Variants in ADCY10 observed in about 807,000 individuals in gnomAD.
ADCY10 encodes the protein adenylate cyclase type 10.
ADCY10 carries 156 observed loss-of-function variants against 183.3 expected under a neutral mutation model. That is an observed-to-expected ratio of 0.85 (90% CI 0.75 to 0.97). ADCY10 has a LOEUF of 0.97. Among genes scored for constraint, ADCY10 ranks in the 50% least tolerant of loss-of-function variants. ADCY10 has a pLI of 0.00. For missense variants in ADCY10, 1,745 were observed against 1,934.3 expected (o/e 0.90, Z 1.84); for synonymous variants, 645 against 670.0 (o/e 0.96, Z 0.58).
intron 1 of ADCY10, among the ~76,000 whole-genome samples, chr1:167,913,749 T>C (rs138105559): frequency 0.012 from 1,784 of 151,892 alleles, 28 homozygotes; most frequent in African/African-American, 0.04. Flanking sequence ...ATAAAGAAAG[T>C]AAGCTAGAAA....
chr1:167,843,452 C>G (rs1664797141), intron 21 of ADCY10, among the ~76,000 whole-genome samples: 1 of 151,994 alleles, frequency 6.6e-6, no homozygotes, highest in African/African-American at 2.4e-5. Context: ...TCATCTCCTA[C>G]TGATACTTTC....
At chr1:167,867,942 G>A (rs983064243) in intron 14 of ADCY10, among the ~76,000 whole-genome samples, 2 of 152,154 alleles carry the variant, frequency 1.3e-5, no homozygotes, top group Non-Finnish European at 2.9e-5. Context: ...CCTCCTGTAC[G>A]AGTGGAAGCT....
At chr1:167,866,129 T>C (rs1437510701) in intron 14 of ADCY10, among the ~76,000 whole-genome samples, 1 of 152,222 alleles carries the variant, frequency 6.6e-6, no homozygotes, top group Non-Finnish European at 1.5e-5. Context: ...GTGGTGGTAT[T>C]GTGGTGGACC....
chr1:167,864,367 T>G (rs1666518356), intron 14 of ADCY10, among the ~76,000 whole-genome samples: 1 of 152,140 alleles, frequency 6.6e-6, no homozygotes. Flanking sequence ...GAACTTTGTG[T>G]AAAATAGACT....
At chr1:167,898,399 G>C (rs1388037060) in intron 6 of ADCY10, among the ~76,000 whole-genome samples, 1 of 151,944 alleles carries the variant, frequency 6.6e-6, no homozygotes, top group Admixed American at 6.6e-5. Context: ...AGGAGTTCAA[G>C]ACCAGCCTGG....
chr1:167,859,266 G>A (rs1264340861), intron 16 of ADCY10, among the ~76,000 whole-genome samples: 2 of 152,308 alleles, frequency 1.3e-5, no homozygotes, highest in African/African-American at 2.4e-5. Flanking sequence ...GCAGACAGTC[G>A]TGATATTACT....
rs549792371 is a variant in ADCY10, at chr1:167,884,760, C to T, written c.829-1132G>A. Among the ~76,000 whole-genome samples, 17 of 148,530 alleles carry T rather than the reference C, an allele frequency of 1.1e-4. No individual in the cohort carries two copies. The East Asian group carries it at 1.4e-3, about 12-fold the overall frequency. On this transcript the variant is annotated intron_variant, in intron 8 of 32. Coordinates refer to ENST00000367851, the MANE Select transcript of ADCY10 (RefSeq NM_018417.6). ...TTGCTCAGGCTGGAGTGCAGTGGCG[C>T]GATCTCGGCTCACTGCAACCTCTGC...
chr1:167,843,038 C>T (rs1364445641), intron 21 of ADCY10, among the ~76,000 whole-genome samples: 2 of 152,130 alleles, frequency 1.3e-5, no homozygotes, highest in Non-Finnish European at 2.9e-5. Context: ...GCCTTCTGAA[C>T]AGGTGAAAAA....
At chr1:167,897,645 AC>A (rs374590149) in intron 6 of ADCY10, among the ~76,000 whole-genome samples, 3,012 of 3,012 alleles carry the variant, frequency 1, 1,506 homozygotes, top group Non-Finnish European at 1. Flanking sequence ...TGTCACGGTC[AC>A]TGCAAGACAA....
chr1:167,912,354 T>C (rs761678460), intron 1 of ADCY10, among the ~76,000 whole-genome samples: 1 of 152,200 alleles, frequency 6.6e-6, no homozygotes, highest in Non-Finnish European at 1.5e-5. Context: ...CCACCCAACA[T>C]GGCGATTCCG....
At chr1:167,809,943 A>C (rs1178031663) in intron 32 of ADCY10, 104 bp from the exon 33 acceptor site, 3 of 1,206,420 alleles carry the variant, frequency 2.5e-6, no homozygotes, top group Non-Finnish European at 3.6e-6. Flanking sequence ...GGTAAAAACC[A>C]TGTGAACCCA....
intron 25 of ADCY10, among the ~76,000 whole-genome samples, chr1:167,832,015 T>C (rs1019491453): frequency 6.6e-6 from 1 of 152,138 alleles, no homozygotes; most frequent in Non-Finnish European, 1.5e-5. Flanking sequence ...CTCCATTACA[T>C]TTCCTTTTCA....
rs756869326 is a variant in ADCY10, at chr1:167,809,804, GTCT to G, written c.4704_4706del (p.Glu1568del). The G allele has an allele frequency of 1.1e-5, 17 of 1,614,076 alleles. No homozygotes were observed. The highest frequency in any genetic ancestry group is 1.2e-5 in the Non-Finnish European group (14 of 1,179,984). ...GACTCAAGATCGTCTGAAGCCATTG[GTCT>G]TCTTTTAACTCAGAGGTTGAGTACC... On this transcript the variant is annotated inframe_deletion, in exon 33 of 33. Transcript: ENST00000367851.
chr1:167,880,062 G>T lies in ADCY10; in HGVS notation c.1216+53C>A, dbSNP rs980094847. On this transcript the variant is annotated intron_variant, in intron 11 of 32. Coordinates refer to ENST00000367851, the MANE Select transcript of ADCY10 (RefSeq NM_018417.6). ...GTGCTTCCTCCCGCAAAGCCCAGTGGCAAGGTGCTGTGTTTGCAGAAAGAA... is the reference window on the plus strand; with the variant it reads ...GTGCTTCCTCCCGCAAAGCCCAGTGTCAAGGTGCTGTGTTTGCAGAAAGAA... 5.4e-6 allele frequency: 8 copies of T among 1,492,950 alleles called. No homozygotes were observed. The African/African-American group carries it at 8.3e-5, about 15-fold the overall frequency. The allele number at this position is 1,492,950 out of a possible 1,614,324, so 92.5% of individuals were successfully genotyped here.
intron 1 of ADCY10, among the ~76,000 whole-genome samples, chr1:167,911,718 C>T (rs1670161856): frequency 6.6e-6 from 1 of 152,220 alleles, no homozygotes; most frequent in Non-Finnish European, 1.5e-5. Flanking sequence ...AATGCCCTTA[C>T]TAAATAAATT....
intron 11 of ADCY10, among the ~76,000 whole-genome samples, chr1:167,879,646 T>C (rs1454925653): frequency 1.3e-5 from 2 of 152,172 alleles, no homozygotes; most frequent in Non-Finnish European, 2.9e-5. Context: ...GTATTTTAGA[T>C]GCATTATTGC....
chr1:167,882,388 G>A (rs1261524399), intron 9 of ADCY10, among the ~76,000 whole-genome samples: 1 of 149,578 alleles, frequency 6.7e-6, no homozygotes, highest in African/African-American at 2.5e-5. Flanking sequence ...AGGAGGCTGA[G>A]TCAAGAGAAT....
At chr1:167,847,801 T>A (rs1306522622) in intron 19 of ADCY10, among the ~76,000 whole-genome samples, 3 of 152,234 alleles carry the variant, frequency 2.0e-5, no homozygotes, top group African/African-American at 7.2e-5. Flanking sequence ...CAGTATTAGA[T>A]TTTCTCCCTC....
rs1478615064 is a variant in ADCY10, at chr1:167,861,042, A to T, written c.1638T>A (p.Asn546Lys). The T allele has an allele frequency of 6.2e-7, 1 of 1,613,992 alleles. No homozygotes were observed. Among genetic ancestry groups the T allele is most frequent in the Non-Finnish European group, 8.5e-7 (1 of 1,179,966 alleles). ...AGAAAGTTTGATGGAAGCTGATCTT[A>T]TTCAATGAAATGGCAATAATCCTGT... is the stretch of plus-strand genomic sequence containing the variant. ...KNHRIIAISL[N>K]KISFHQTFYT... The change falls in exon 15 of 33, where the codon AAT (asparagine) becomes AAA (lysine). Residue 546 changes from asparagine to lysine, a missense_variant. Physicochemically the swap from Asn to Lys is moderately conservative, Grantham distance 94 (BLOSUM62 0). Coordinates refer to ENST00000367851, the MANE Select transcript of ADCY10 (RefSeq NM_018417.6).
Sources: allele counts gnomAD v4.1 joint callset (sites outside exome capture counted in the v4.1 genomes callset), GRCh38; gene constraint gnomAD v4.1.1; transcripts MANE v1.5; gene names NCBI Gene and HGNC (gene_info 2026-07-23, HGNC 2026-07-21).